The following EML6 variants were observed in gnomAD, a reference collection of about 807,000 sequenced individuals.
The protein encoded by EML6 is echinoderm microtubule-associated protein-like 6.
In EML6, 154 loss-of-function variants were observed where a neutral mutation model predicts 240.1. The observed-to-expected ratio is 0.64, with a 90% CI of 0.56 to 0.73. The LOEUF (loss-of-function observed/expected upper bound fraction) is 0.73. Among genes scored for constraint, EML6 ranks in the 30% least tolerant of loss-of-function variants. The probability of loss-of-function intolerance (pLI) is 0.00; values close to 1 mark genes in which losing one functional copy is unlikely to be tolerated. For missense variants in EML6, 2,964 were observed against 2,474.6 expected (o/e 1.20, Z -4.20); for synonymous variants, 1,148 against 899.0 (o/e 1.28, Z -4.95).
intron 26 of EML6, among the ~76,000 whole-genome samples, chr2:54,920,571 G>A (rs1419247249): frequency 3.3e-5 from 5 of 152,008 alleles, no homozygotes; most frequent in Non-Finnish European, 7.4e-5. Context: ...TTTCTCCCAA[G>A]TATTTAAAGA....
intron 29 of EML6, among the ~76,000 whole-genome samples, chr2:54,950,398 A>G (rs1298760248): frequency 6.6e-6 from 1 of 152,220 alleles, no homozygotes; most frequent in East Asian, 1.9e-4. Context: ...CCAGGAAGTA[A>G]ATCTGGGTTT....
At chr2:54,888,340 C>G (rs1672269184) in intron 17 of EML6, among the ~76,000 whole-genome samples, 2 of 152,178 alleles carry the variant, frequency 1.3e-5, no homozygotes. Flanking sequence ...CTTGGTTCAT[C>G]TGGGCATGAT....
intron 2 of EML6, among the ~76,000 whole-genome samples, chr2:54,767,313 A>G (rs976471696): frequency 3.3e-5 from 5 of 152,326 alleles, no homozygotes; most frequent in South Asian, 4.1e-4. Flanking sequence ...ATTCTAATGC[A>G]TCAACATAGA....
chr2:54,930,517 TC>T (rs1674796418), intron 28 of EML6, among the ~76,000 whole-genome samples: 2 of 151,878 alleles, frequency 1.3e-5, no homozygotes, highest in Non-Finnish European at 2.9e-5. Context: ...CTGGAATGAC[TC>T]TTTTTTTTTT....
At chr2:54,800,482 C>T (rs1163124809) in intron 2 of EML6, among the ~76,000 whole-genome samples, 2 of 152,106 alleles carry the variant, frequency 1.3e-5, no homozygotes, top group South Asian at 2.1e-4. Flanking sequence ...AAGCATCAAA[C>T]ATATCCTAAA....
chr2:54,756,963 T>C (rs1667760397), intron 2 of EML6, among the ~76,000 whole-genome samples: 1 of 151,944 alleles, frequency 6.6e-6, no homozygotes, highest in Non-Finnish European at 1.5e-5. Flanking sequence ...TCCTTATTAT[T>C]ATTGTTTTCT....
chr2:54,773,284 G>A (rs895692920), intron 2 of EML6, among the ~76,000 whole-genome samples: 3 of 152,280 alleles, frequency 2.0e-5, no homozygotes, highest in Non-Finnish European at 4.4e-5. Context: ...CCACTGAGCA[G>A]TGAGGCTGAG....
chr2:54,879,592 G>A lies in EML6; in HGVS notation c.2390G>A (p.Ser797Asn). 6.4e-7 allele frequency: 1 copy of A among 1,552,092 alleles called. No individual in the cohort carries two copies. The highest frequency in any genetic ancestry group is 8.7e-7 in the Non-Finnish European group (1 of 1,146,984). The change falls in exon 17 of 42, where the codon AGT becomes AAT. Residue 797 changes from serine to asparagine, a missense_variant. Ser to Asn is a conservative substitution (Grantham distance 46). Coordinates refer to ENST00000356458, the MANE Select transcript of EML6 (RefSeq NM_001039753.4). ...TCGGTTGGTTTAGACGATTTTCACAGTATTGTATTTTGGGACTGGAAAAAG... is the reference window on the plus strand; with the variant it reads ...TCGGTTGGTTTAGACGATTTTCACAATATTGTATTTTGGGACTGGAAAAAG... ...LVSVGLDDFH[S>N]IVFWDWKKGE...
intron 24 of EML6, 126 bp downstream of exon 24, chr2:54,903,628 A>AACG: frequency 2.3e-6 from 1 of 428,748 alleles, no homozygotes; most frequent in Non-Finnish European, 4.1e-6. Context: ...CAACAATATA[A>AACG]ACGACTGTAA....
Position 54,871,503 on chromosome 2 carries a change from G to C in EML6, c.2242G>C (p.Gly748Arg), listed in dbSNP as rs1306995729. ...VKDYVATGQV[G>R]RDAAIHVWDT... ...AACAGTCATTCTGTTATTTAAGGTT[G>C]GAAGAGATGCTGCTATTCATGTGTG... Residue 748 changes from glycine (G) to arginine (R), a missense_variant, in exon 16 of 42, where the codon GGA (glycine) becomes CGA (arginine). Transcript: ENST00000356458. 3.5e-5 allele frequency: 55 copies of C among 1,550,184 alleles called. No homozygotes were observed. The highest frequency in any genetic ancestry group is 4.6e-5 in the Non-Finnish European group (53 of 1,145,574).
chr2:54,806,733 A>C (rs1670514529), intron 2 of EML6, among the ~76,000 whole-genome samples: 1 of 150,454 alleles, frequency 6.6e-6, no homozygotes, highest in Admixed American at 6.6e-5. Context: ...ATATAGTGCT[A>C]GGTTTTAAGT....
intron 11 of EML6, among the ~76,000 whole-genome samples, chr2:54,858,457 G>GTT (rs928187076): frequency 2.7e-4 from 41 of 152,232 alleles, no homozygotes; most frequent in African/African-American, 9.2e-4. Flanking sequence ...TCTAAAGAGA[G>GTT]TTGGGAAGAG....
At chr2:54,810,628 A>G (rs183757644) in intron 2 of EML6, among the ~76,000 whole-genome samples, 65 of 152,252 alleles carry the variant, frequency 4.3e-4, no homozygotes, top group Admixed American at 2.7e-3. Context: ...CTCATTCTTC[A>G]TTTTCTAGTC....
chr2:54,924,165 T>C (rs573113361), intron 26 of EML6, among the ~76,000 whole-genome samples: 2 of 152,224 alleles, frequency 1.3e-5, no homozygotes, highest in Non-Finnish European at 2.9e-5. Context: ...GGGAAAAATA[T>C]ATATAACATT....
intron 28 of EML6, among the ~76,000 whole-genome samples, chr2:54,929,050 A>G (rs1427465329): frequency 6.6e-5 from 10 of 152,222 alleles, no homozygotes; most frequent in Non-Finnish European, 1.3e-4. Context: ...GGTAGCCCCA[A>G]AGCAGTCCTG....
rs34352060 is a variant in EML6, at chr2:54,846,923, A to ATTTTTTTTTTTTTTTTTTTT, written c.1050-550_1050-549insTTTTTTTTTTTTTTTTTTTT. 5.3e-4 allele frequency among the ~76,000 whole-genome samples: 69 copies of ATTTTTTTTTTTTTTTTTTTT among 129,934 alleles called. 4 individuals carry two copies. The highest frequency in any genetic ancestry group is 2.7e-3 in the East Asian group (10 of 3,770). The allele number at this position is 129,934 out of a possible 152,430, so 85.2% of individuals were successfully genotyped here. ...AAAGTAATATTTTGTATGAAGTAGTATTTTTTTTTTTTTGGAGACAGGGCC... is the reference window on the plus strand; with the variant it reads ...AAAGTAATATTTTGTATGAAGTAGTATTTTTTTTTTTTTTTTTTTTTTTTTTTTTTTTTGGAGACAGGGCC... On this transcript the variant is annotated intron_variant, in intron 8 of 41. Transcript: ENST00000356458.
chr2:54,931,976 G>T (rs929798554), intron 28 of EML6, among the ~76,000 whole-genome samples: 85 of 152,312 alleles, frequency 5.6e-4, no homozygotes, highest in African/African-American at 2.0e-3. Context: ...TAAGATATTT[G>T]TGGATTGTTT....
intron 3 of EML6, 33 bp downstream of exon 3, chr2:54,813,424 G>A (rs1482367718): frequency 2.0e-6 from 3 of 1,522,832 alleles, no homozygotes; most frequent in African/African-American, 2.8e-5. Flanking sequence ...TTTATTTAAT[G>A]ACTTCTCACA....
At chr2:54,857,886 A>G (rs939528611) in intron 11 of EML6, among the ~76,000 whole-genome samples, 8 of 152,164 alleles carry the variant, frequency 5.3e-5, no homozygotes, top group Middle Eastern at 3.2e-3. Flanking sequence ...GATGAGAGAG[A>G]TAAGGCCTAA....
Sources: allele counts gnomAD v4.1 joint callset (sites outside exome capture counted in the v4.1 genomes callset), GRCh38; gene constraint gnomAD v4.1.1; transcripts MANE v1.5; gene names NCBI Gene and HGNC (gene_info 2026-07-23, HGNC 2026-07-21).